ATP5MC2: variants seen among roughly 807,000 people sequenced by gnomAD.
ATP5MC2 encodes the protein ATP synthase F(0) complex subunit C2, mitochondrial.
ATP5MC2 carries 11 observed loss-of-function variants against 13.5 expected under a neutral mutation model. That is an observed-to-expected ratio of 0.81 (90% CI 0.51 to 1.35). The LOEUF is 1.35. Among genes scored for constraint, ATP5MC2 ranks in the 40% most tolerant of loss-of-function variants. ATP5MC2 has a pLI of 0.00. For synonymous variants in ATP5MC2, 64 were observed against 69.7 expected (o/e 0.92, Z 0.41); for missense variants, 132 against 175.0 (o/e 0.75, Z 1.39).
chr12:53,669,442 A>C (rs1352649873), intron 3 of ATP5MC2, 101 bp from the exon 4 acceptor site: 1 of 1,447,096 alleles, frequency 6.9e-7, no homozygotes, highest in Non-Finnish European at 9.1e-7. Context: ...TTCTCCCCCA[A>C]ACAGAAAATT....
At chr12:53,679,276 A>AGAGAGAGAGAGAGAGAGAGAGAGACC, upstream of ATP5MC2, among the ~76,000 whole-genome samples, 1 of 140,546 alleles carries the variant, frequency 7.1e-6, no homozygotes, top group African/African-American at 2.6e-5. Context: ...AGAGAGAGAG[A>AGAGAGAGAGAGAGAGAGAGAGAGACC]GAGACCAGGG....
At chr12:53,679,699 A>G (rs6580958), upstream of ATP5MC2, among the ~76,000 whole-genome samples, 96,883 of 152,130 alleles carry the variant, frequency 0.64, 32,584 homozygotes, top group East Asian at 0.94. Flanking sequence ...TCTATTTATT[A>G]GTGATTGTTA....
chr12:53,676,235 G>T (rs770745965), upstream of ATP5MC2: 8 of 1,595,602 alleles, frequency 5.0e-6, no homozygotes, highest in Admixed American at 3.5e-5. Context: ...CCGGCCGGTT[G>T]CTCCACCTGG....
chr12:53,675,237 A>T (rs548148266), intron 1 of ATP5MC2, among the ~76,000 whole-genome samples: 1 of 152,280 alleles, frequency 6.6e-6, no homozygotes, highest in South Asian at 2.1e-4. Context: ...TTTCCTTGTA[A>T]CAGCAGAATC....
At chr12:53,669,491 A>C in intron 3 of ATP5MC2, 150 bp from the exon 4 acceptor site, 2 of 1,412,616 alleles carry the variant, frequency 1.4e-6, no homozygotes, top group South Asian at 3.1e-5. Context: ...GAACCTTTTA[A>C]CGTAGGATGT....
chr12:53,673,700 A>G (rs910768807), intron 1 of ATP5MC2: 1 of 157,200 alleles, frequency 6.4e-6, no homozygotes, highest in Middle Eastern at 3.0e-3. Context: ...GCATGCCTGT[A>G]ATCCCAGCTA....
At chr12:53,673,512 C>G (rs1162493519) in intron 1 of ATP5MC2, 1 of 152,196 alleles carries the variant, frequency 6.6e-6, no homozygotes, top group African/African-American at 2.4e-5. Context: ...AGGAGGAACT[C>G]TGTTATTAGT....
intron 4 of ATP5MC2, among the ~76,000 whole-genome samples, 166 bp downstream of exon 4, chr12:53,668,982 C>A (rs889455572): frequency 6.6e-6 from 1 of 152,164 alleles, no homozygotes; most frequent in Admixed American, 6.5e-5. Context: ...TGCGCCACTG[C>A]ACTCCAGCCT....
At chr12:53,669,626 A>C (rs967156310) in intron 3 of ATP5MC2, among the ~76,000 whole-genome samples, 12 of 152,226 alleles carry the variant, frequency 7.9e-5, no homozygotes, top group Non-Finnish European at 1.6e-4. Flanking sequence ...AAGTCAGTAG[A>C]CTAGGCCAAG....
intron 2 of ATP5MC2, among the ~76,000 whole-genome samples, chr12:53,670,527 T>C (rs1452347011): frequency 6.6e-6 from 1 of 152,184 alleles, no homozygotes; most frequent in Non-Finnish European, 1.5e-5. Flanking sequence ...GAGCTGTGGG[T>C]TCCTGCTGAG....
chr12:53,673,418 C>T (rs1945167927), intron 1 of ATP5MC2: 1 of 152,304 alleles, frequency 6.6e-6, no homozygotes, highest in Admixed American at 6.5e-5. Flanking sequence ...TGGAAGGTCT[C>T]CAACAATCTC....
At chr12:53,675,245 A>G (rs143553508) in intron 1 of ATP5MC2, among the ~76,000 whole-genome samples, 70 of 152,282 alleles carry the variant, frequency 4.6e-4, no homozygotes, top group African/African-American at 1.7e-3. Flanking sequence ...TAACAGCAGA[A>G]TCTGGGGAGG....
At chr12:53,672,874 A>G in intron 1 of ATP5MC2, 1 of 504,638 alleles carries the variant, frequency 2.0e-6, no homozygotes, top group Admixed American at 3.5e-5. Context: ...GAACAAGTGA[A>G]CACTTGGGTT....
chr12:53,680,343 A>G (rs1453611333), upstream of ATP5MC2, among the ~76,000 whole-genome samples: 1 of 152,216 alleles, frequency 6.6e-6, no homozygotes, highest in Non-Finnish European at 1.5e-5. Context: ...CATATTGTGA[A>G]TGGGTATAAA....
chr12:53,678,116 T>C (rs139754698), upstream of ATP5MC2, among the ~76,000 whole-genome samples: 117 of 152,316 alleles, frequency 7.7e-4, 3 homozygotes, highest in African/African-American at 2.5e-3. Flanking sequence ...CTTGCCCTCA[T>C]AGAATAATGG....
intron 4 of ATP5MC2, 93 bp from the exon 5 acceptor site, chr12:53,665,521 C>T (rs924089312): frequency 9.7e-7 from 1 of 1,035,510 alleles, no homozygotes. Flanking sequence ...TCCCCCTCTT[C>T]AAGATTATCT....
At chr12:53,678,896 T>A (rs1016131796), upstream of ATP5MC2, among the ~76,000 whole-genome samples, 4 of 152,172 alleles carry the variant, frequency 2.6e-5, no homozygotes, top group African/African-American at 4.8e-5. Context: ...CCAGTTTTTT[T>A]AATGACTGTG....
upstream of ATP5MC2, chr12:53,676,141 G>A (rs17101603): frequency 4.3e-3 from 6,922 of 1,614,262 alleles, 253 homozygotes; most frequent in Admixed American, 0.077. Flanking sequence ...GGGCCAACGA[G>A]TCGCTCAGCC....
chr12:53,679,596 T>G (rs1169296955), upstream of ATP5MC2, among the ~76,000 whole-genome samples: 1 of 152,242 alleles, frequency 6.6e-6, no homozygotes, highest in Non-Finnish European at 1.5e-5. Context: ...GTGTTAACTT[T>G]CCAGGATTTT....
Sources: gnomAD v4.1 joint callset for allele counts (sites outside exome capture counted in the v4.1 genomes callset) on GRCh38, gnomAD v4.1.1 for gene constraint, MANE v1.5 for transcripts, NCBI Gene and HGNC (gene_info 2026-07-23, HGNC 2026-07-21) for gene names.